C3orf20: variants seen among roughly 807,000 people sequenced by gnomAD.
C3orf20 encodes family with sequence similarity 149 member C, also known as uncharacterized protein C3orf20.
C3orf20 carries 76 observed loss-of-function variants against 88.3 expected under a neutral mutation model. The observed-to-expected ratio is 0.86, with a 90% CI of 0.72 to 1.04. The LOEUF (loss-of-function observed/expected upper bound fraction) is 1.04. Among genes scored for constraint, C3orf20 ranks in the 50% least tolerant of loss-of-function variants. C3orf20 has a pLI of 0.00. For missense variants in C3orf20, 1,056 were observed against 1,123.3 expected (o/e 0.94, Z 0.86); for synonymous variants, 436 against 437.4 (o/e 1.00, Z 0.04).
intron 15 of C3orf20, among the ~76,000 whole-genome samples, chr3:14,770,341 G>A (rs1300781449): frequency 6.6e-6 from 1 of 152,164 alleles, no homozygotes; most frequent in Non-Finnish European, 1.5e-5. Flanking sequence ...TCTGAGGCCC[G>A]GTCTCGGCAT....
At chr3:14,757,808 T>C (rs1406735333) in intron 13 of C3orf20, 134 bp downstream of exon 13, 4 of 774,494 alleles carry the variant, frequency 5.2e-6, no homozygotes, top group South Asian at 1.8e-5. Flanking sequence ...TCCTTTCTCC[T>C]TGGAGTCTTT....
At chr3:14,695,523 A>G (rs1399766599) in intron 5 of C3orf20, among the ~76,000 whole-genome samples, 1 of 152,178 alleles carries the variant, frequency 6.6e-6, no homozygotes, top group Non-Finnish European at 1.5e-5. Context: ...TCTATAGTAT[A>G]GATTAAGTCT....
chr3:14,760,254 A>C (rs745928000), intron 14 of C3orf20, among the ~76,000 whole-genome samples: 2 of 152,214 alleles, frequency 1.3e-5, no homozygotes, highest in Non-Finnish European at 2.9e-5. Context: ...GTGACATTCA[A>C]CCTAGCAAAT....
chr3:14,761,358 G>A, intron 14 of C3orf20, 115 bp from the exon 15 acceptor site: 1 of 1,257,366 alleles, frequency 8.0e-7, no homozygotes, highest in African/African-American at 1.5e-5. Context: ...CACGGCGTAA[G>A]CTCTGAGAGG....
intron 7 of C3orf20, among the ~76,000 whole-genome samples, chr3:14,707,076 C>T (rs1250022156): frequency 6.6e-6 from 1 of 151,688 alleles, no homozygotes; most frequent in Non-Finnish European, 1.5e-5. Context: ...GGTGAAACCC[C>T]GTCTCTACTA....
At chr3:14,683,377 C>G (rs1005751306) in intron 3 of C3orf20, among the ~76,000 whole-genome samples, 180 bp downstream of exon 3, 8 of 152,120 alleles carry the variant, frequency 5.3e-5, no homozygotes, top group African/African-American at 1.9e-4. Context: ...CTGCCATTGC[C>G]CCAGCTTTCC....
intron 12 of C3orf20, among the ~76,000 whole-genome samples, chr3:14,740,382 TA>T (rs1681724986): frequency 6.6e-6 from 1 of 152,144 alleles, no homozygotes; most frequent in Non-Finnish European, 1.5e-5. Context: ...TTTGCTGTCT[TA>T]TATGGGCATG....
rs767618098 is a variant in C3orf20 at position 14,757,495 on chromosome 3, G to A, written c.2065G>A (p.Ala689Thr). 1.2e-6 allele frequency: 2 copies of A among 1,613,820 alleles called. No homozygotes were observed. Among genetic ancestry groups the A allele is most frequent in the Non-Finnish European group, 1.7e-6 (2 of 1,180,002 alleles). ...TRAGCKCLVK[A>T]PLVSDVELER... The stretch of plus-strand genomic sequence containing the variant: ...TGCTGGCTGCAAGTGCCTGGTGAAG[G>A]CGCCCCTGGTCTCTGACGTGGAGCT... Residue 689 changes from alanine to threonine, a missense_variant, in exon 13 of 17, where the codon GCG (alanine) becomes ACG (threonine). Physicochemically the swap from Ala to Thr is moderately conservative, Grantham distance 58. Transcript: ENST00000253697.
At chr3:14,688,014 A>G (rs1311894826) in intron 4 of C3orf20, among the ~76,000 whole-genome samples, 2 of 152,190 alleles carry the variant, frequency 1.3e-5, no homozygotes, top group Non-Finnish European at 2.9e-5. Flanking sequence ...TAGAGTTTCC[A>G]GACAAAAATC....
chr3:14,694,679 GTTTA>G (rs1248317611), intron 5 of C3orf20, among the ~76,000 whole-genome samples: 1 of 152,044 alleles, frequency 6.6e-6, no homozygotes, highest in South Asian at 2.1e-4. Context: ...CCTTGTTTCA[GTTTA>G]TTTATTTCTG....
At chr3:14,712,084 T>G (rs894773155) in intron 7 of C3orf20, among the ~76,000 whole-genome samples, 1 of 152,106 alleles carries the variant, frequency 6.6e-6, no homozygotes. Flanking sequence ...ATGTAATTTT[T>G]AAGATGCAGT....
At chr3:14,735,858 G>A (rs949862760) in intron 12 of C3orf20, among the ~76,000 whole-genome samples, 3 of 152,112 alleles carry the variant, frequency 2.0e-5, no homozygotes, top group Admixed American at 2.0e-4. Flanking sequence ...GCCTCCCAAA[G>A]TGCTGGGATT....
rs549420456 is a variant in C3orf20, at chr3:14,772,378, C to T, written c.2630+177C>T. 4.6e-5 allele frequency among the ~76,000 whole-genome samples: 7 copies of T among 152,332 alleles called. No individual in the cohort carries two copies. The highest frequency in any genetic ancestry group is 1.7e-4 in the African/African-American group (7 of 41,588). ...GGCGGGCATGCAGGCTGCCCTGGAG[C>T]TGCTCGCAGTGGTCTGGGTGGTAGA... On this transcript the variant is annotated intron_variant, in intron 16 of 16. Coordinates refer to ENST00000253697, the MANE Select transcript of C3orf20 (RefSeq NM_032137.5). The surrounding 1 kb of genome is among the most constrained non-coding windows in gnomAD (Gnocchi z 4.2).
chr3:14,699,118 C>A (rs779628196), intron 5 of C3orf20, among the ~76,000 whole-genome samples: 2 of 152,138 alleles, frequency 1.3e-5, no homozygotes, highest in Non-Finnish European at 2.9e-5. Flanking sequence ...AAGGACTCTT[C>A]AGTTAGGCCT....
At chr3:14,675,702 T>G (rs1017482156) in intron 1 of C3orf20, among the ~76,000 whole-genome samples, 5 of 151,870 alleles carry the variant, frequency 3.3e-5, no homozygotes, top group Non-Finnish European at 7.4e-5. Context: ...TATTTATTTA[T>G]TTATTTATTT....
chr3:14,675,726 G>C (rs560761368), intron 1 of C3orf20, among the ~76,000 whole-genome samples: 3 of 151,800 alleles, frequency 2.0e-5, no homozygotes, highest in Non-Finnish European at 4.4e-5. Context: ...TTTGGAGATG[G>C]AGTCCCGCTC....
At chr3:14,693,787 T>A (rs957024807) in intron 5 of C3orf20, among the ~76,000 whole-genome samples, 1 of 152,222 alleles carries the variant, frequency 6.6e-6, no homozygotes, top group Non-Finnish European at 1.5e-5. Context: ...GAGGAAAGGC[T>A]TTCAGTTTTT....
At chr3:14,744,654 G>T (rs545836726) in intron 12 of C3orf20, among the ~76,000 whole-genome samples, 2 of 152,078 alleles carry the variant, frequency 1.3e-5, no homozygotes, top group East Asian at 3.9e-4. Flanking sequence ...GTTCCCCATG[G>T]CTGGGGAGGC....
chr3:14,724,129 A>G (rs532494284), intron 10 of C3orf20, among the ~76,000 whole-genome samples: 1 of 152,266 alleles, frequency 6.6e-6, no homozygotes, highest in East Asian at 1.9e-4. Context: ...AGAAAAAGCT[A>G]TTGTTAAGTG....
Sources: allele counts gnomAD v4.1 joint callset (sites outside exome capture counted in the v4.1 genomes callset), GRCh38; gene constraint gnomAD v4.1.1; non-coding constraint Gnocchi (gnomAD v3.1); transcripts MANE v1.5; gene names NCBI Gene and HGNC (gene_info 2026-07-23, HGNC 2026-07-21).